The following MAF variants were observed in gnomAD, a reference collection of about 807,000 sequenced individuals.
The protein encoded by MAF is MAF bZIP transcription factor.
A neutral mutation model predicts 22.0 loss-of-function variants in MAF; 10 were observed. The ratio of observed to expected loss-of-function variants is 0.45; its 90% CI spans 0.28 to 0.77. MAF has a LOEUF of 0.77. Ranked by LOEUF, MAF falls within the 30% of genes least tolerant of loss-of-function variation. The pLI is 0.12. For synonymous variants in MAF, 337 were observed against 255.8 expected (o/e 1.32, Z -3.03); for missense variants, 544 against 548.4 (o/e 0.99, Z 0.08).
At chr16:79,345,055 T>G in the MAF span, among the ~76,000 whole-genome samples, 3 of 152,310 alleles carry the variant, frequency 2.0e-5, no homozygotes, top group Admixed American at 1.3e-4. Flanking sequence ...AATAGGAATA[T>G]TTCAGTTTAA....
At chr16:79,472,930 G>A in the MAF span, among the ~76,000 whole-genome samples, 3 of 152,008 alleles carry the variant, frequency 2.0e-5, no homozygotes, top group Non-Finnish European at 4.4e-5. Flanking sequence ...TGTGTACCGA[G>A]GCCCGGTACC....
At chr16:79,334,256 G>A in the MAF span, among the ~76,000 whole-genome samples, 2 of 152,178 alleles carry the variant, frequency 1.3e-5, no homozygotes, top group African/African-American at 4.8e-5. Context: ...ATGGACTATT[G>A]CACAGCGACG....
the MAF span, among the ~76,000 whole-genome samples, chr16:79,387,562 C>T: frequency 1.3e-5 from 2 of 152,148 alleles, no homozygotes; most frequent in African/African-American, 4.8e-5. Flanking sequence ...GCGACCAGTG[C>T]ACTCCACTCT....
At chr16:79,360,751 G>A in the MAF span, among the ~76,000 whole-genome samples, 2 of 152,152 alleles carry the variant, frequency 1.3e-5, no homozygotes, top group African/African-American at 4.8e-5. Flanking sequence ...CAGAGAAGCG[G>A]CAAGATCCAC....
chr16:79,558,161 G>A, the MAF span, among the ~76,000 whole-genome samples: 15 of 152,202 alleles, frequency 9.9e-5, no homozygotes, highest in African/African-American at 2.7e-4. Context: ...TTTCCTGCCT[G>A]TGGGGGGCCA....
chr16:79,248,539 C>T, the MAF span, among the ~76,000 whole-genome samples: 1 of 152,194 alleles, frequency 6.6e-6, no homozygotes, highest in African/African-American at 2.4e-5. Context: ...ATGGGTTGGA[C>T]TGATCTGGTT....
At chr16:79,303,091 GTGTGTGTGTGAA>G in the MAF span, among the ~76,000 whole-genome samples, 2 of 152,186 alleles carry the variant, frequency 1.3e-5, 1 homozygote, top group Admixed American at 1.3e-4. Context: ...TGTAATCTGT[GTGTGTGTGTGAA>G]TGTGTGTGTG....
the MAF span, among the ~76,000 whole-genome samples, chr16:79,540,488 T>G: frequency 6.6e-6 from 1 of 152,076 alleles, no homozygotes; most frequent in Non-Finnish European, 1.5e-5. Context: ...ACTGGCCAGC[T>G]CAGACGAAGC....
the MAF span, among the ~76,000 whole-genome samples, chr16:79,515,567 G>C: frequency 6.6e-6 from 1 of 152,182 alleles, no homozygotes; most frequent in Admixed American, 6.5e-5. Context: ...GGTAGGTTAG[G>C]TGAATTAAAT....
At chr16:79,537,267 C>T in the MAF span, among the ~76,000 whole-genome samples, 3 of 152,192 alleles carry the variant, frequency 2.0e-5, no homozygotes, top group African/African-American at 7.2e-5. Context: ...CTTTGTGAGG[C>T]TGCAACAAAA....
chr16:79,235,362 G>A, the MAF span, among the ~76,000 whole-genome samples: 2 of 151,906 alleles, frequency 1.3e-5, no homozygotes, highest in African/African-American at 4.8e-5. Context: ...AGGCAAGCCT[G>A]GGGAACATAT....
chr16:79,494,290 C>T, the MAF span, among the ~76,000 whole-genome samples: 3 of 152,098 alleles, frequency 2.0e-5, no homozygotes, highest in African/African-American at 4.8e-5. Flanking sequence ...TTGGGTTTGC[C>T]CATTCACAGG....
the MAF span, among the ~76,000 whole-genome samples, chr16:79,563,502 G>C: frequency 7.9e-6 from 1 of 126,430 alleles, no homozygotes; most frequent in Non-Finnish European, 1.8e-5. Flanking sequence ...TAAAGACTTG[G>C]CACCAAAAAA....
downstream of MAF, among the ~76,000 whole-genome samples, chr16:79,584,348 A>G (rs1296748153): frequency 2.0e-5 from 3 of 152,190 alleles, no homozygotes; most frequent in African/African-American, 7.2e-5. Flanking sequence ...AACTTTTCAT[A>G]TATCAGCTTA....
chr16:79,333,746 C>T, the MAF span, among the ~76,000 whole-genome samples: 1 of 152,072 alleles, frequency 6.6e-6, no homozygotes, highest in Non-Finnish European at 1.5e-5. Context: ...GATCCCAACA[C>T]CTCACCTGGA....
At chr16:79,280,754 T>C in the MAF span, among the ~76,000 whole-genome samples, 1 of 152,204 alleles carries the variant, frequency 6.6e-6, no homozygotes, top group Non-Finnish European at 1.5e-5. Context: ...TACTAGCTCC[T>C]ATCCTGGCTT....
At chr16:79,547,525 A>G in the MAF span, among the ~76,000 whole-genome samples, 2 of 152,152 alleles carry the variant, frequency 1.3e-5, no homozygotes, top group African/African-American at 4.8e-5. Context: ...TCTTAAAAAT[A>G]TACTAAAAAA....
chr16:79,534,428 T>C, the MAF span, among the ~76,000 whole-genome samples: 1 of 152,140 alleles, frequency 6.6e-6, no homozygotes, highest in African/African-American at 2.4e-5. Flanking sequence ...AAAGCTGTCC[T>C]GGAATGCAAT....
the MAF span, among the ~76,000 whole-genome samples, chr16:79,235,161 GCATA>G: frequency 6.6e-6 from 1 of 152,040 alleles, no homozygotes; most frequent in African/African-American, 2.4e-5. Flanking sequence ...CGGGAAAGTG[GCATA>G]TCCAGAATTT....
Sources: gnomAD v4.1 joint callset for allele counts (sites outside exome capture counted in the v4.1 genomes callset) on GRCh38, gnomAD v4.1.1 for gene constraint, MANE v1.5 for transcripts, NCBI Gene and HGNC (gene_info 2026-07-23, HGNC 2026-07-21) for gene names.